The following NRXN3 variants were observed in gnomAD, a reference collection of about 807,000 sequenced individuals.
The protein encoded by NRXN3 is neurexin III.
A neutral mutation model predicts 137.6 loss-of-function variants in NRXN3; 32 were observed. The observed-to-expected ratio is 0.23, with a 90% confidence interval of 0.18 to 0.31. The LOEUF (loss-of-function observed/expected upper bound fraction) is 0.31, where lower values mean the gene tolerates loss of function less well. Among genes scored for constraint, NRXN3 ranks in the 10% least tolerant of loss-of-function variants. The pLI is 1.00. For missense variants in NRXN3, 1,574 were observed against 2,062.5 expected (o/e 0.76, Z 4.59); for synonymous variants, 798 against 784.5 (o/e 1.02, Z -0.29).
chr14:79,618,550 A>G (rs1277166690), intron 16 of NRXN3, among the ~76,000 whole-genome samples: 1 of 152,128 alleles, frequency 6.6e-6, no homozygotes, highest in Non-Finnish European at 1.5e-5. Flanking sequence ...GTGGCTGTGT[A>G]GTATTCCATG....
At chr14:78,777,164 G>A (rs1055175531) in intron 8 of NRXN3, among the ~76,000 whole-genome samples, 6 of 152,122 alleles carry the variant, frequency 3.9e-5, no homozygotes, top group Non-Finnish European at 8.8e-5. Context: ...GATCTTGCAT[G>A]CCTGTTCTCT....
chr14:78,967,941 G>C (rs79415212), intron 13 of NRXN3, among the ~76,000 whole-genome samples: 6 of 149,552 alleles, frequency 4.0e-5, no homozygotes, highest in Non-Finnish European at 8.9e-5. Context: ...CTCCATCTAT[G>C]ATGAATAAAT....
chr14:78,375,794 T>G (rs2087707622), intron 4 of NRXN3, among the ~76,000 whole-genome samples: 1 of 152,072 alleles, frequency 6.6e-6, no homozygotes, highest in African/African-American at 2.4e-5. Flanking sequence ...CCTGCAGTGA[T>G]CTCAAAAAGG....
At chr14:79,252,733 C>T (rs1398508500) in intron 15 of NRXN3, among the ~76,000 whole-genome samples, 8 of 152,150 alleles carry the variant, frequency 5.3e-5, no homozygotes, top group African/African-American at 1.9e-4. Context: ...ACAAATACAA[C>T]AGAGGAGTGA....
At chr14:78,506,321 C>G (rs1480017092) in intron 4 of NRXN3, among the ~76,000 whole-genome samples, 1 of 152,146 alleles carries the variant, frequency 6.6e-6, no homozygotes, top group East Asian at 1.9e-4. Flanking sequence ...AAATAATAGT[C>G]ATGCTTGGAT....
At chr14:78,616,236 T>A (rs2097346291) in intron 4 of NRXN3, among the ~76,000 whole-genome samples, 1 of 152,224 alleles carries the variant, frequency 6.6e-6, no homozygotes. Flanking sequence ...TTGGCAAGGT[T>A]TGCAAAGCCC....
chr14:79,358,765 C>G (rs927052792), intron 15 of NRXN3, among the ~76,000 whole-genome samples: 3 of 152,042 alleles, frequency 2.0e-5, no homozygotes, highest in African/African-American at 7.2e-5. Flanking sequence ...AAGCCCTCCC[C>G]CTATTCTCCT....
chr14:79,587,414 T>C (rs1478091594), intron 16 of NRXN3, among the ~76,000 whole-genome samples: 2 of 152,240 alleles, frequency 1.3e-5, no homozygotes, highest in African/African-American at 4.8e-5. Flanking sequence ...TGCCATGATT[T>C]GCCTCTGCTG....
At chr14:79,170,127 C>A (rs553637924) in intron 15 of NRXN3, among the ~76,000 whole-genome samples, 5 of 151,998 alleles carry the variant, frequency 3.3e-5, no homozygotes, top group African/African-American at 1.2e-4. Context: ...CCATGCTCAA[C>A]GTTAATTGAT....
At chr14:78,352,722 G>A (rs2083717248) in intron 4 of NRXN3, among the ~76,000 whole-genome samples, 1 of 152,210 alleles carries the variant, frequency 6.6e-6, no homozygotes, top group South Asian at 2.1e-4. Flanking sequence ...GGACATAAGG[G>A]GAAAACATCT....
At chr14:78,324,435 G>A (rs1400961677) in intron 4 of NRXN3, among the ~76,000 whole-genome samples, 1 of 152,068 alleles carries the variant, frequency 6.6e-6, no homozygotes, top group Non-Finnish European at 1.5e-5. Context: ...AGAAAAAAAT[G>A]CAGTGATCTG....
At chr14:78,249,835 AC>A (rs1318867744) in intron 2 of NRXN3, among the ~76,000 whole-genome samples, 2 of 151,158 alleles carry the variant, frequency 1.3e-5, no homozygotes, top group Admixed American at 1.3e-4. Context: ...GGGAACTTGA[AC>A]CCCCCGTTTG....
chr14:79,332,186 C>T (rs953600793), intron 15 of NRXN3, among the ~76,000 whole-genome samples: 3 of 152,122 alleles, frequency 2.0e-5, no homozygotes, highest in Non-Finnish European at 2.9e-5. Context: ...ATTAAAATGC[C>T]GTTACTTGTA....
At chr14:78,734,153 A>G (rs1236258515) in intron 8 of NRXN3, among the ~76,000 whole-genome samples, 1 of 151,714 alleles carries the variant, frequency 6.6e-6, no homozygotes, top group Non-Finnish European at 1.5e-5. Context: ...TCAGGGATTT[A>G]GTGTGAAAAA....
rs148567985 is a variant in NRXN3, at chr14:78,393,234, G to A, written c.757+95374G>A. Among the ~76,000 whole-genome samples, 8 of 150,970 alleles carry A rather than the reference G, an allele frequency of 5.3e-5. No homozygotes were observed. The East Asian group carries it at 9.7e-4, about 18-fold the overall frequency. ...TTAAACTTTTTATTTTGAGGTAATC[G>A]TATATTCATAAGCAGCTGTAAGAAA... is the stretch of plus-strand genomic sequence containing the variant. On this transcript the variant is annotated intron_variant, in intron 4 of 20. Transcript: ENST00000335750.
chr14:78,333,889 A>G (rs2081140395), intron 4 of NRXN3, among the ~76,000 whole-genome samples: 1 of 152,130 alleles, frequency 6.6e-6, no homozygotes, highest in Non-Finnish European at 1.5e-5. Flanking sequence ...CTCCTGCCGT[A>G]ATCCAGGTGA....
intron 15 of NRXN3, among the ~76,000 whole-genome samples, chr14:79,108,727 A>G (rs1356648198): frequency 6.6e-6 from 1 of 152,174 alleles, no homozygotes; most frequent in Non-Finnish European, 1.5e-5. Flanking sequence ...TTAATATAGC[A>G]TAACAATACA....
chr14:79,318,649 T>C (rs2153250546), intron 15 of NRXN3, among the ~76,000 whole-genome samples: 1 of 152,290 alleles, frequency 6.6e-6, no homozygotes, highest in African/African-American at 2.4e-5. Context: ...GGAGTGTTCC[T>C]TTACGTGAGT....
At chr14:79,467,086 T>G in intron 15 of NRXN3, 135 bp from the exon 16 acceptor site, 1 of 776,960 alleles carries the variant, frequency 1.3e-6, no homozygotes, top group Non-Finnish European at 1.9e-6. Context: ...GAGCCGTTCC[T>G]CTCAGTAACC....
Sources: gnomAD v4.1 joint callset for allele counts (sites outside exome capture counted in the v4.1 genomes callset) on GRCh38, gnomAD v4.1.1 for gene constraint, MANE v1.5 for transcripts, NCBI Gene and HGNC (gene_info 2026-07-23, HGNC 2026-07-21) for gene names.